The following TMC3 variants were observed in gnomAD, a reference collection of about 807,000 sequenced individuals.
TMC3 encodes transmembrane channel-like protein 3.
In TMC3, 98 loss-of-function variants were observed where a neutral mutation model predicts 110.6. The ratio of observed to expected loss-of-function variants is 0.89; its 90% CI spans 0.75 to 1.05. TMC3 has a LOEUF of 1.05. TMC3 is among the 50% of genes least tolerant of loss of function. TMC3 has a pLI of 0.00. For missense variants in TMC3, 1,319 were observed against 1,373.2 expected (o/e 0.96, Z 0.62); for synonymous variants, 489 against 513.1 (o/e 0.95, Z 0.63).
At chr15:81,343,487 T>C in intron 14 of TMC3, 142 bp from the exon 15 acceptor site, 1 of 635,466 alleles carries the variant, frequency 1.6e-6, no homozygotes, top group Admixed American at 2.6e-5. Flanking sequence ...CAGCAAATGG[T>C]AAATGTTAAG....
chr15:81,349,078 G>A (rs547882372), intron 11 of TMC3, among the ~76,000 whole-genome samples: 25 of 152,152 alleles, frequency 1.6e-4, no homozygotes, highest in East Asian at 1.2e-3. Flanking sequence ...TGATCCACCC[G>A]CCTCGGCCTC....
chr15:81,363,166 G>A (rs756954853), intron 3 of TMC3, among the ~76,000 whole-genome samples: 82 of 151,966 alleles, frequency 5.4e-4, no homozygotes, highest in African/African-American at 1.9e-3. Context: ...CAGAAGAATC[G>A]CTTGAACCCG....
chr15:81,335,622 G>C (rs1288994504), intron 20 of TMC3: 1 of 152,628 alleles, frequency 6.6e-6, no homozygotes, highest in Non-Finnish European at 1.5e-5. Context: ...CATTTTTCTG[G>C]AGAGGAATAT....
At chr15:81,362,774 G>A (rs1023432237) in intron 3 of TMC3, among the ~76,000 whole-genome samples, 1 of 152,074 alleles carries the variant, frequency 6.6e-6, no homozygotes, top group Non-Finnish European at 1.5e-5. Flanking sequence ...AAACCTAAGG[G>A]GATTCTGAGA....
At chr15:81,364,401 C>T (rs1292601272) in intron 3 of TMC3, among the ~76,000 whole-genome samples, 2 of 151,880 alleles carry the variant, frequency 1.3e-5, no homozygotes, top group African/African-American at 4.8e-5. Context: ...ACCAAATCTC[C>T]ACAGCAAAAG....
At chr15:81,351,150 T>C (rs1019245155) in intron 10 of TMC3, among the ~76,000 whole-genome samples, 2 of 152,096 alleles carry the variant, frequency 1.3e-5, no homozygotes, top group African/African-American at 4.8e-5. Flanking sequence ...GTGTAAATGC[T>C]TGAAGGTGTT....
chr15:81,359,323 T>C, intron 5 of TMC3, 42 bp downstream of exon 5: 1 of 1,390,650 alleles, frequency 7.2e-7, no homozygotes, highest in Non-Finnish European at 9.9e-7. Context: ...TGCTGTAATG[T>C]CTCCTCTTTG....
chr15:81,351,973 A>T (rs9972530), intron 9 of TMC3, 132 bp from the exon 10 acceptor site: 88,916 of 1,046,286 alleles, frequency 0.085, 7,516 homozygotes, highest in African/African-American at 0.4. Flanking sequence ...GCATCAATGC[A>T]CTTCCAGCCC....
chr15:81,350,656 C>T (rs143312791), intron 10 of TMC3, among the ~76,000 whole-genome samples: 10 of 152,220 alleles, frequency 6.6e-5, no homozygotes, highest in South Asian at 4.2e-4. Flanking sequence ...AATATGCACA[C>T]GGTAAATTGA....
chr15:81,345,635 C>T (rs1362887896), intron 12 of TMC3, among the ~76,000 whole-genome samples: 4 of 151,946 alleles, frequency 2.6e-5, no homozygotes, highest in South Asian at 4.2e-4. Flanking sequence ...TTTGGGAGGT[C>T]GAGGCAGGGG....
chr15:81,354,341 G>A (rs1894012564), intron 9 of TMC3, among the ~76,000 whole-genome samples: 1 of 152,224 alleles, frequency 6.6e-6, no homozygotes, highest in Non-Finnish European at 1.5e-5. Flanking sequence ...GATATGCAAT[G>A]GGGTTGGCAG....
intron 3 of TMC3, among the ~76,000 whole-genome samples, chr15:81,363,930 A>G (rs1894247654): frequency 6.6e-6 from 1 of 152,212 alleles, no homozygotes; most frequent in Admixed American, 6.5e-5. Context: ...CTGAAGTCTA[A>G]GAAGCACAGG....
chr15:81,340,224 GTCTCTC>G lies in TMC3; in HGVS notation c.1845-726_1845-721del, dbSNP rs5814056. On this transcript the variant is annotated intron_variant, in intron 16 of 21. Transcript: ENST00000359440. ...TGTTTCTCTGTCTCTCTCTGTCTCT[GTCTCTC>G]TCTCTCTCTCTCTCTCTCTCATGAA... 1.3e-3 allele frequency among the ~76,000 whole-genome samples: 186 copies of G among 148,234 alleles called. 1 individual carries two copies. Among genetic ancestry groups the G allele is most frequent in the African/African-American group, 3.5e-3 (140 of 40,252 alleles).
At chr15:81,356,689 G>A in intron 7 of TMC3, 95 bp from the exon 8 acceptor site, 5 of 1,377,672 alleles carry the variant, frequency 3.6e-6, no homozygotes, top group Non-Finnish European at 4.9e-6. Flanking sequence ...AGCATAGGCT[G>A]CACCCCTCTG....
At chr15:81,344,726 G>A (rs749100071) in intron 13 of TMC3, 40 bp downstream of exon 13, 1 of 1,594,080 alleles carries the variant, frequency 6.3e-7, no homozygotes, top group Non-Finnish European at 8.6e-7. Flanking sequence ...TAAGTGATGA[G>A]ATGGATATGA....
chr15:81,337,675 T>C (rs1893626398), intron 19 of TMC3, 171 bp downstream of exon 19: 1 of 654,216 alleles, frequency 1.5e-6, no homozygotes, highest in Non-Finnish European at 2.8e-6. Context: ...TCCCTGGGTA[T>C]TCTTAGAAAT....
At chr15:81,362,918 G>C (rs1287017549) in intron 3 of TMC3, among the ~76,000 whole-genome samples, 3 of 152,130 alleles carry the variant, frequency 2.0e-5, no homozygotes, top group Admixed American at 6.5e-5. Context: ...TCCTGCTACA[G>C]CCTCTTTCCT....
At chr15:81,351,925 G>A in intron 9 of TMC3, 84 bp from the exon 10 acceptor site, 2 of 1,480,670 alleles carry the variant, frequency 1.4e-6, no homozygotes, top group Non-Finnish European at 9.2e-7. Flanking sequence ...CTTGGGGACT[G>A]GAACACATCC....
At chr15:81,339,067 A>G (rs1309582049) in intron 17 of TMC3, among the ~76,000 whole-genome samples, 1 of 152,242 alleles carries the variant, frequency 6.6e-6, no homozygotes, top group Non-Finnish European at 1.5e-5. Flanking sequence ...CAGCTGGATA[A>G]TATAGGAAAA....
Sources: allele counts gnomAD v4.1 joint callset (sites outside exome capture counted in the v4.1 genomes callset), GRCh38; gene constraint gnomAD v4.1.1; transcripts MANE v1.5; gene names NCBI Gene and HGNC (gene_info 2026-07-23, HGNC 2026-07-21).